PLA1A: variants seen among roughly 807,000 people sequenced by gnomAD.
PLA1A encodes the protein phosphatidylserine-specific phospholipase A1alpha.
Under a neutral mutation model 49.4 loss-of-function variants are expected in PLA1A, and 47 were observed. The observed-to-expected ratio is 0.95, with a 90% CI of 0.75 to 1.21. The LOEUF is 1.21. Among genes scored for constraint, PLA1A ranks in the 50% most tolerant of loss-of-function variants. PLA1A has a pLI of 0.00. For missense variants in PLA1A, 561 were observed against 563.9 expected (o/e 0.99, Z 0.05); for synonymous variants, 224 against 207.9 (o/e 1.08, Z -0.67).
At position 119,625,236 on chromosome 3, in the gene PLA1A, C is replaced by T. The variant is rs544050005; in HGVS notation, c.1121+4C>T. On this transcript the variant is annotated splice_donor_region_variant and intron_variant, in intron 9 of 10. Transcript: ENST00000273371. Reference sequence around the variant, plus strand: ...CCTCTTCATCTAAGATCACCATGTACGTAAGTGTCCCACCTGGTTGACTCC... The same window carrying T: ...CCTCTTCATCTAAGATCACCATGTATGTAAGTGTCCCACCTGGTTGACTCC... 6.4e-5 allele frequency: 100 copies of T among 1,571,500 alleles called. No homozygotes were observed. The South Asian group carries it at 8.3e-4, about 13-fold the overall frequency.
chr3:119,609,386 T>C (rs2082735004), intron 3 of PLA1A, 82 bp from the exon 4 acceptor site: 1 of 893,584 alleles, frequency 1.1e-6, no homozygotes, highest in Non-Finnish European at 1.9e-6. Flanking sequence ...CCTCGGCTTC[T>C]GAAGCTTTGG....
intron 5 of PLA1A, among the ~76,000 whole-genome samples, chr3:119,613,847 C>T (rs764382829): frequency 6.6e-5 from 10 of 151,806 alleles, no homozygotes; most frequent in Non-Finnish European, 1.0e-4. Flanking sequence ...GAGCCGACAT[C>T]GCGCTACTGC....
chr3:119,622,789 A>G (rs62264537), intron 8 of PLA1A, among the ~76,000 whole-genome samples: 1 of 148,606 alleles, frequency 6.7e-6, no homozygotes, highest in Non-Finnish European at 1.5e-5. Context: ...AAAAAAAAAA[A>G]GGACAGTGTG....
rs200377830 is a variant in PLA1A at position 119,629,384 on chromosome 3, A to G, written c.1287A>G (p.Arg429=). The G allele has an allele frequency of 1.3e-5, 21 of 1,593,608 alleles. No individual in the cohort carries two copies. The African/African-American group carries it at 2.5e-4, about 19-fold the overall frequency. The change falls in exon 11 of 11, where the codon AGA becomes AGG. Residue 429 remains arginine, a splice_region_variant and synonymous_variant. Coordinates refer to ENST00000273371, the MANE Select transcript of PLA1A (RefSeq NM_015900.4). ...FCTALLPVND[R]EKMVCLPEPV... is the part of the protein sequence containing the mutation. Reference sequence around the variant, plus strand: ...CTCTCTTATTGCTCTTCTCTTCCAGAGAAAAGATGGTCTGCTTACCTGAAC... The same window carrying G: ...CTCTCTTATTGCTCTTCTCTTCCAGGGAAAAGATGGTCTGCTTACCTGAAC...
At chr3:119,607,217 G>A in intron 2 of PLA1A, 1 of 501,474 alleles carries the variant, frequency 2.0e-6, no homozygotes, top group East Asian at 3.4e-5. Context: ...AACAGTACAT[G>A]TCTGTGACTG....
At chr3:119,615,588 GATC>G (rs2082834563) in intron 5 of PLA1A, among the ~76,000 whole-genome samples, 1 of 152,064 alleles carries the variant, frequency 6.6e-6, no homozygotes, top group South Asian at 2.1e-4. Context: ...GAGGCGGGTG[GATC>G]ACCTGAGGTC....
chr3:119,629,059 G>C (rs1315888787), intron 10 of PLA1A, among the ~76,000 whole-genome samples, 194 bp downstream of exon 10: 2 of 152,158 alleles, frequency 1.3e-5, no homozygotes, highest in Non-Finnish European at 2.9e-5. Context: ...CACTGTATTT[G>C]TTCTGCATAT....
At chr3:119,621,035 C>T (rs1262122609) in intron 8 of PLA1A, among the ~76,000 whole-genome samples, 1 of 152,188 alleles carries the variant, frequency 6.6e-6, no homozygotes, top group East Asian at 1.9e-4. Flanking sequence ...CTGTCAGCGC[C>T]ACCCCATCTG....
At chr3:119,621,536 A>C (rs1283691437) in intron 8 of PLA1A, among the ~76,000 whole-genome samples, 1 of 152,252 alleles carries the variant, frequency 6.6e-6, no homozygotes, top group African/African-American at 2.4e-5. Context: ...TGACTTCAGC[A>C]ATGTTGACCT....
intron 5 of PLA1A, among the ~76,000 whole-genome samples, chr3:119,614,846 A>G (rs1039298869): frequency 6.6e-6 from 1 of 152,214 alleles, no homozygotes; most frequent in Non-Finnish European, 1.5e-5. Flanking sequence ...CCCTGCCTAC[A>G]TGGAGCTTAC....
At chr3:119,600,120 A>G (rs1469528736) in intron 1 of PLA1A, among the ~76,000 whole-genome samples, 1 of 152,070 alleles carries the variant, frequency 6.6e-6, no homozygotes, top group Admixed American at 6.6e-5. Context: ...GGAAAGGAAG[A>G]GCTCAAATGA....
At chr3:119,628,999 C>T in intron 10 of PLA1A, 134 bp downstream of exon 10, 4 of 770,204 alleles carry the variant, frequency 5.2e-6, no homozygotes, top group South Asian at 3.5e-5. Flanking sequence ...TGACAGACAC[C>T]CGGTGTTTTC....
chr3:119,619,353 G>T (rs1283146257), intron 7 of PLA1A, among the ~76,000 whole-genome samples: 1 of 152,216 alleles, frequency 6.6e-6, no homozygotes, highest in Non-Finnish European at 1.5e-5. Flanking sequence ...GATCTGAAAA[G>T]CATATTTCCG....
intron 8 of PLA1A, among the ~76,000 whole-genome samples, chr3:119,620,608 T>C (rs889936900): frequency 1.3e-5 from 2 of 152,122 alleles, no homozygotes; most frequent in African/African-American, 4.8e-5. Context: ...AAAGAACCAA[T>C]TGTGAGTATA....
chr3:119,618,509 C>T (rs921987021), intron 7 of PLA1A, among the ~76,000 whole-genome samples: 1 of 152,162 alleles, frequency 6.6e-6, no homozygotes, highest in Admixed American at 6.5e-5. Flanking sequence ...TCTTCATAGA[C>T]CCTAAATCTA....
Position 119,609,458 on chromosome 3 carries a change from G to T in PLA1A, c.454-10G>T. The T allele has an allele frequency of 2.6e-6, 4 of 1,567,932 alleles. No homozygotes were observed. In the South Asian group the frequency reaches 4.4e-5, roughly 17 times the overall value. ...GGCCCACGGGGAACTCACTGTTCCT[G>T]CTCTTCTAGGTGCTGGGTGTGTCGG... is the stretch of plus-strand genomic sequence containing the variant. On this transcript the variant is annotated splice_polypyrimidine_tract_variant and intron_variant, in intron 3 of 10. Coordinates refer to ENST00000273371, the MANE Select transcript of PLA1A (RefSeq NM_015900.4).
At chr3:119,604,442 G>T (rs1486757053) in intron 1 of PLA1A, among the ~76,000 whole-genome samples, 1 of 152,170 alleles carries the variant, frequency 6.6e-6, no homozygotes, top group Non-Finnish European at 1.5e-5. Flanking sequence ...TAAAAAGAAG[G>T]AAATCCTGCC....
At chr3:119,619,470 T>C (rs113659019) in intron 7 of PLA1A, 93 bp from the exon 8 acceptor site, 9 of 821,464 alleles carry the variant, frequency 1.1e-5, no homozygotes, top group African/African-American at 3.4e-5. Flanking sequence ...GTGGAATAAA[T>C]GGGTGCATGA....
In PLA1A at chr3:119,619,624, C is replaced by T; in HGVS notation, c.984C>T (p.Leu328=). 6.2e-7 allele frequency: 1 copy of T among 1,612,774 alleles called. No homozygotes were observed. The highest frequency in any genetic ancestry group is 8.5e-7 in the Non-Finnish European group (1 of 1,178,756). Residue 328 remains leucine, a synonymous_variant, in exon 8 of 11, where the codon CTC becomes CTT. Coordinates refer to ENST00000273371, the MANE Select transcript of PLA1A (RefSeq NM_015900.4). ...TCCCCAAGGAAGTGAAAGTCTACCTCCTGACTACTTCCAGTGCTCCGTACT... is the reference window on the plus strand; with the variant it reads ...TCCCCAAGGAAGTGAAAGTCTACCTTCTGACTACTTCCAGTGCTCCGTACT... ...EPLPKEVKVY[L]LTTSSAPYCM...
Sources: allele counts gnomAD v4.1 joint callset (sites outside exome capture counted in the v4.1 genomes callset), GRCh38; gene constraint gnomAD v4.1.1; transcripts MANE v1.5; gene names NCBI Gene and HGNC (gene_info 2026-07-23, HGNC 2026-07-21).